Variants in CSGALNACT1 observed in about 807,000 individuals in gnomAD.
CSGALNACT1 encodes the protein chondroitin sulfate N-acetylgalactosaminyltransferase 1.
A neutral mutation model predicts 51.0 loss-of-function variants in CSGALNACT1; 52 were observed. That is an observed-to-expected ratio of 1.02 (90% confidence interval 0.82 to 1.29). The LOEUF is 1.29. Among genes scored for constraint, CSGALNACT1 ranks in the 50% most tolerant of loss-of-function variants. The pLI, the probability that CSGALNACT1 is intolerant of heterozygous loss-of-function variation, is 0.00. For missense variants in CSGALNACT1, 935 were observed against 679.2 expected, an observed-to-expected ratio of 1.38 and a Z score of -4.19; for synonymous variants, 341 against 254.4, an observed-to-expected ratio of 1.34 and a Z score of -3.24.
exon 4 of CSGALNACT1, chr8:19,505,285 T>C (rs1318800061): frequency 2.5e-6 from 4 of 1,614,238 alleles, no homozygotes; most frequent in Non-Finnish European, 3.4e-6. Flanking sequence ...GCTGATTCAA[T>C]GGCTTCCACC....
rs185558933 is a variant in CSGALNACT1 at position 19,748,737 on chromosome 8, G to C, written c.-297+9113C>G. ...CCCAGCACTTTGGGAGATCAAGGAGGGTGGATCACCTCAGGTCAGGAGTTC... is the reference window on the plus strand; with the variant it reads ...CCCAGCACTTTGGGAGATCAAGGAGCGTGGATCACCTCAGGTCAGGAGTTC... On this transcript the variant is annotated intron_variant, in intron 1 of 1. Coordinates refer to the CSGALNACT1 transcript ENST00000517494. Among the ~76,000 whole-genome samples, 145 of 152,232 alleles carry C rather than the reference G, an allele frequency of 9.5e-4. 1 individual carries two copies. Among genetic ancestry groups the C allele is most frequent in the Admixed American group, 2.2e-3 (34 of 15,282 alleles).
intron 1 of CSGALNACT1, among the ~76,000 whole-genome samples, chr8:19,648,220 G>C (rs117986465): frequency 6.6e-6 from 1 of 152,146 alleles, no homozygotes; most frequent in Non-Finnish European, 1.5e-5. Context: ...CACTCAATCT[G>C]TTCCAAAGAA....
At chr8:19,528,118 G>T (rs1281012841) in intron 3 of CSGALNACT1, among the ~76,000 whole-genome samples, 3 of 152,102 alleles carry the variant, frequency 2.0e-5, no homozygotes, top group Non-Finnish European at 2.9e-5. Context: ...TGCCTGAGTA[G>T]GTTTGACACA....
chr8:19,746,817 C>A (rs1029119880), intron 1 of CSGALNACT1, among the ~76,000 whole-genome samples: 1 of 152,170 alleles, frequency 6.6e-6, no homozygotes, highest in East Asian at 1.9e-4. Flanking sequence ...TAAACAAACA[C>A]GATCAGCTTT....
chr8:19,591,753 T>C (rs2047869702), intron 2 of CSGALNACT1, among the ~76,000 whole-genome samples: 1 of 146,912 alleles, frequency 6.8e-6, no homozygotes, highest in East Asian at 2.0e-4. Context: ...GTGAGATTCC[T>C]CTCCACAAAA....
chr8:19,641,128 CT>C (rs56681695), intron 1 of CSGALNACT1, among the ~76,000 whole-genome samples: 17,866 of 99,338 alleles, frequency 0.18, 1,589 homozygotes, highest in East Asian at 0.47. Flanking sequence ...GGTGACTGGT[CT>C]TTTTTTTTTT....
At chr8:19,431,345 A>G (rs906869194) in intron 6 of CSGALNACT1, among the ~76,000 whole-genome samples, 1 of 152,090 alleles carries the variant, frequency 6.6e-6, no homozygotes, top group African/African-American at 2.4e-5. Context: ...GTTCTCTTCT[A>G]GTCCTAGTTT....
intron 4 of CSGALNACT1, among the ~76,000 whole-genome samples, chr8:19,474,053 A>G (rs1321962677): frequency 6.6e-6 from 1 of 152,242 alleles, no homozygotes; most frequent in African/African-American, 2.4e-5. Context: ...GTAAGCCTTT[A>G]GTAAATCTTA....
intron 1 of CSGALNACT1, among the ~76,000 whole-genome samples, chr8:19,676,631 G>T (rs2060212441): frequency 6.6e-6 from 1 of 152,100 alleles, no homozygotes; most frequent in Non-Finnish European, 1.5e-5. Flanking sequence ...AACAGAGGAA[G>T]AAATTAAGAC....
intron 6 of CSGALNACT1, among the ~76,000 whole-genome samples, chr8:19,428,663 A>C (rs929075659): frequency 6.6e-6 from 1 of 152,182 alleles, no homozygotes; most frequent in Non-Finnish European, 1.5e-5. Flanking sequence ...CTGTGCTTTT[A>C]CATCATTAAG....
intron 3 of CSGALNACT1, among the ~76,000 whole-genome samples, chr8:19,542,382 G>T (rs140144933): frequency 5.9e-4 from 90 of 152,248 alleles, no homozygotes; most frequent in Middle Eastern, 3.4e-3. Context: ...CAGAAGACTG[G>T]AACAGTATTA....
At chr8:19,615,260 G>A (rs1306401831) in intron 1 of CSGALNACT1, among the ~76,000 whole-genome samples, 2 of 152,168 alleles carry the variant, frequency 1.3e-5, no homozygotes, top group Admixed American at 1.3e-4. Context: ...CCCGGATTGT[G>A]CCACTGTACT....
At chr8:19,521,709 A>C (rs1011816395) in intron 3 of CSGALNACT1, among the ~76,000 whole-genome samples, 1 of 152,210 alleles carries the variant, frequency 6.6e-6, no homozygotes, top group African/African-American at 2.4e-5. Context: ...TTTAACATGT[A>C]CATTTCTGAG....
At chr8:19,608,987 G>T (rs977773051) in intron 1 of CSGALNACT1, among the ~76,000 whole-genome samples, 7 of 152,040 alleles carry the variant, frequency 4.6e-5, no homozygotes, top group African/African-American at 1.7e-4. Context: ...TACTTTTTCT[G>T]TATCAATTTC....
chr8:19,566,134 T>C (rs1425983452), intron 3 of CSGALNACT1, among the ~76,000 whole-genome samples: 1 of 152,218 alleles, frequency 6.6e-6, no homozygotes, highest in Non-Finnish European at 1.5e-5. Context: ...AAAGATATAA[T>C]AGAGTTCATT....
At chr8:19,421,127 T>A (rs935002235) in intron 6 of CSGALNACT1, among the ~76,000 whole-genome samples, 1 of 152,246 alleles carries the variant, frequency 6.6e-6, no homozygotes, top group Non-Finnish European at 1.5e-5. Flanking sequence ...CTCTGTGATC[T>A]AGGCCAGCCC....
rs368645224 is a variant in CSGALNACT1 at position 19,457,539 on chromosome 8, G to A, written c.851+887C>T. ...GAGGCAGGAGAATTACCTGAACCTG[G>A]GAGGTGAAGGTTGCAGTGAGCAGAG... On this transcript the variant is annotated intron_variant, in intron 5 of 9. Transcript: ENST00000454498. 1.3e-4 allele frequency: 68 copies of A among 511,252 alleles called. 1 individual carries two copies. The highest frequency in any genetic ancestry group is 1.1e-3 in the African/African-American group (58 of 50,684). 31.7% of individuals were successfully genotyped at this position (511,252 alleles called of 1,614,324 possible).
chr8:19,749,317 C>G (rs145273099), intron 1 of CSGALNACT1, among the ~76,000 whole-genome samples: 1 of 151,296 alleles, frequency 6.6e-6, no homozygotes, highest in East Asian at 2.0e-4. Flanking sequence ...TTGAAACAAA[C>G]TCTTCTCCAA....
intron 3 of CSGALNACT1, among the ~76,000 whole-genome samples, chr8:19,534,275 C>T (rs12114584): frequency 0.18 from 27,466 of 151,906 alleles, 2,516 homozygotes; most frequent in African/African-American, 0.21. Flanking sequence ...AACACTGTGA[C>T]ACCTCATCTC....
Sources: gnomAD v4.1 joint callset for allele counts (sites outside exome capture counted in the v4.1 genomes callset) on GRCh38, gnomAD v4.1.1 for gene constraint, MANE v1.5 for transcripts, NCBI Gene and HGNC (gene_info 2026-07-23, HGNC 2026-07-21) for gene names.